CDH18: variants seen among roughly 807,000 people sequenced by gnomAD.
CDH18 encodes cadherin 18.
In CDH18, 31 loss-of-function variants were observed where a neutral mutation model predicts 67.9. The observed-to-expected ratio is 0.46, with a 90% CI of 0.34 to 0.62. The LOEUF is 0.62. Ranked by LOEUF, CDH18 falls within the 20% of genes least tolerant of loss-of-function variation. The pLI is 0.01. For missense variants in CDH18, 890 were observed against 975.5 expected, an observed-to-expected ratio of 0.91 and a Z score of 1.17; for synonymous variants, 362 against 347.2, an observed-to-expected ratio of 1.04 and a Z score of -0.48.
At chr5:20,023,598 GTAGTTAGCCGA>G (rs1738622036) in intron 2 of CDH18, among the ~76,000 whole-genome samples, 1 of 142,926 alleles carries the variant, frequency 7.0e-6, no homozygotes, top group Admixed American at 7.4e-5. Flanking sequence ...GGCGGAGTTT[GTAGTTAGCCGA>G]GATCGCGCCA....
chr5:20,069,188 T>A (rs1743229508), intron 2 of CDH18, among the ~76,000 whole-genome samples: 1 of 151,932 alleles, frequency 6.6e-6, no homozygotes, highest in South Asian at 2.1e-4. Flanking sequence ...TAAATAGAAA[T>A]TTATATAAAT....
intron 3 of CDH18, among the ~76,000 whole-genome samples, chr5:19,789,743 T>C (rs935338335): frequency 2.0e-5 from 3 of 152,140 alleles, no homozygotes; most frequent in African/African-American, 7.2e-5. Flanking sequence ...GCTGAAGTTA[T>C]TGTCTTAGAA....
chr5:19,655,353 T>C (rs542868124), intron 5 of CDH18, among the ~76,000 whole-genome samples: 1 of 151,962 alleles, frequency 6.6e-6, no homozygotes, highest in Non-Finnish European at 1.5e-5. Context: ...AATAATTATA[T>C]GCATTTGTGC....
intron 2 of CDH18, among the ~76,000 whole-genome samples, chr5:20,070,557 GCAAA>G (rs1743396657): frequency 6.6e-6 from 1 of 152,128 alleles, no homozygotes; most frequent in Non-Finnish European, 1.5e-5. Context: ...GAAGAAATGG[GCAAA>G]CAATTAATGG....
chr5:20,501,161 ATACTT>A (rs1052292484), intron 1 of CDH18, among the ~76,000 whole-genome samples: 2 of 152,026 alleles, frequency 1.3e-5, no homozygotes, highest in South Asian at 2.1e-4. Context: ...GGTTGTTTAA[ATACTT>A]TAAGGAATTA....
At chr5:20,506,203 G>A (rs148164467) in intron 1 of CDH18, among the ~76,000 whole-genome samples, 7 of 152,236 alleles carry the variant, frequency 4.6e-5, no homozygotes, top group East Asian at 1.9e-4. Flanking sequence ...GATCCCTGCC[G>A]CCTCTTCGTA....
chr5:19,759,105 A>G (rs1392812227), intron 3 of CDH18, among the ~76,000 whole-genome samples: 1 of 152,244 alleles, frequency 6.6e-6, no homozygotes, highest in African/African-American at 2.4e-5. Flanking sequence ...ATGGTTGCAT[A>G]TCAGTTACCA....
At chr5:20,280,050 A>G (rs905177559) in intron 1 of CDH18, among the ~76,000 whole-genome samples, 2 of 152,170 alleles carry the variant, frequency 1.3e-5, no homozygotes, top group African/African-American at 2.4e-5. Context: ...TCAAACTAGA[A>G]ATAAAAAGCA....
intron 1 of CDH18, among the ~76,000 whole-genome samples, chr5:20,536,133 C>T (rs1022482746): frequency 7.2e-5 from 11 of 152,208 alleles, no homozygotes; most frequent in African/African-American, 2.4e-4. Flanking sequence ...AACCTGAAAC[C>T]ATTCAGTATA....
At chr5:20,396,092 G>A (rs1580899851) in intron 1 of CDH18, among the ~76,000 whole-genome samples, 1 of 152,304 alleles carries the variant, frequency 6.6e-6, no homozygotes, top group East Asian at 1.9e-4. Context: ...TTGAACCAAA[G>A]CAGGAAGTTA....
chr5:19,549,946 A>G (rs1188378556), intron 8 of CDH18, among the ~76,000 whole-genome samples: 2 of 152,088 alleles, frequency 1.3e-5, no homozygotes, highest in African/African-American at 4.8e-5. Context: ...TCAGTCCTGA[A>G]AGAGGAAAAA....
At chr5:19,881,737 C>T (rs902269049) in intron 2 of CDH18, among the ~76,000 whole-genome samples, 22 of 152,072 alleles carry the variant, frequency 1.4e-4, no homozygotes, top group African/African-American at 5.3e-4. Context: ...TACTCTTGAC[C>T]TCAGGTGATC....
chr5:20,503,167 A>C (rs1406717698), intron 1 of CDH18, among the ~76,000 whole-genome samples: 1 of 140,296 alleles, frequency 7.1e-6, no homozygotes, highest in Non-Finnish European at 1.6e-5. Flanking sequence ...AATATCTATA[A>C]TCTTTTAGAC....
intron 5 of CDH18, among the ~76,000 whole-genome samples, chr5:19,712,008 G>T (rs1256607609): frequency 1.3e-5 from 2 of 152,020 alleles, no homozygotes; most frequent in Non-Finnish European, 2.9e-5. Context: ...TCTTTTGCAG[G>T]AACATAGACG....
Position 20,147,242 on chromosome 5 carries a change from G to C in CDH18, c.-518+108202C>G, listed in dbSNP as rs1332352406. The stretch of plus-strand genomic sequence containing the variant: ...GGTTGATTCAAAAGAAGAATACTTA[G>C]GGATTTGGTATTACAAGGATTCCTT... On this transcript the variant is annotated intron_variant, in intron 2 of 14. Coordinates refer to the CDH18 transcript ENST00000507958. Among the ~76,000 whole-genome samples the C allele has an allele frequency of 5.9e-5, 9 of 152,012 alleles. 1 individual carries two copies. The highest frequency in any genetic ancestry group is 5.9e-4 in the Admixed American group (9 of 15,256).
chr5:19,867,918 A>T (rs1785762678), intron 2 of CDH18, among the ~76,000 whole-genome samples: 1 of 152,124 alleles, frequency 6.6e-6, no homozygotes, highest in Non-Finnish European at 1.5e-5. Flanking sequence ...GCTTACCCCC[A>T]TGCTTCTGTT....
intron 1 of CDH18, among the ~76,000 whole-genome samples, chr5:20,390,680 A>G (rs1744767877): frequency 6.6e-6 from 1 of 152,188 alleles, no homozygotes; most frequent in Admixed American, 6.5e-5. Context: ...ATAAAGACAC[A>G]TGCACACGTA....
intron 1 of CDH18, among the ~76,000 whole-genome samples, chr5:20,383,995 A>G (rs953887254): frequency 2.0e-5 from 3 of 152,186 alleles, no homozygotes; most frequent in African/African-American, 7.2e-5. Context: ...TTAAATATCA[A>G]TACTATCAAA....
At chr5:20,434,449 A>G (rs1414576932) in intron 1 of CDH18, among the ~76,000 whole-genome samples, 1 of 152,070 alleles carries the variant, frequency 6.6e-6, no homozygotes, top group Non-Finnish European at 1.5e-5. Flanking sequence ...TGAAATTATG[A>G]CTAAAGAGAC....
Sources: allele counts gnomAD v4.1 joint callset (sites outside exome capture counted in the v4.1 genomes callset), GRCh38; gene constraint gnomAD v4.1.1; transcripts MANE v1.5; gene names NCBI Gene and HGNC (gene_info 2026-07-23, HGNC 2026-07-21).